Variants in EHD4 observed in about 807,000 individuals in gnomAD.
EHD4 encodes the protein EH domain containing 4, also known as EH domain-containing protein 4.
A neutral mutation model predicts 51.0 loss-of-function variants in EHD4; 37 were observed. The ratio of observed to expected loss-of-function variants is 0.73; its 90% confidence interval spans 0.56 to 0.95. The LOEUF is 0.95. EHD4 is among the 40% of genes least tolerant of loss of function. The pLI, the probability that EHD4 is intolerant of heterozygous loss-of-function variation, is 0.00. For missense variants in EHD4, 632 were observed against 733.1 expected, an observed-to-expected ratio of 0.86 and a Z score of 1.59; for synonymous variants, 297 against 317.3, an observed-to-expected ratio of 0.94 and a Z score of 0.68.
chr15:41,966,258 C>A (rs2141010783), intron 1 of EHD4, among the ~76,000 whole-genome samples: 1 of 152,218 alleles, frequency 6.6e-6, no homozygotes, highest in South Asian at 2.1e-4. Flanking sequence ...CACAGGCACA[C>A]CTCTTGGCAA....
At chr15:41,943,385 T>C (rs2067789785) in intron 2 of EHD4, among the ~76,000 whole-genome samples, 1 of 152,170 alleles carries the variant, frequency 6.6e-6, no homozygotes, top group Non-Finnish European at 1.5e-5. Flanking sequence ...TGCTGGCCCA[T>C]GGGACAGGTA....
At chr15:41,901,253 G>T in intron 5 of EHD4, 72 bp from the exon 6 acceptor site, 1 of 1,472,952 alleles carries the variant, frequency 6.8e-7, no homozygotes, top group Admixed American at 2.3e-5. Context: ...GGCCACTGGA[G>T]GGAGACTAAT....
chr15:41,963,200 T>C (rs2067937592), intron 1 of EHD4, among the ~76,000 whole-genome samples: 1 of 151,890 alleles, frequency 6.6e-6, no homozygotes, highest in African/African-American at 2.4e-5. Context: ...GAGACCCTTG[T>C]TCACATGTTT....
intron 5 of EHD4, among the ~76,000 whole-genome samples, chr15:41,907,183 GC>G (rs2067518130): frequency 6.6e-6 from 1 of 152,210 alleles, no homozygotes; most frequent in African/African-American, 2.4e-5. Flanking sequence ...CTGTGGCAAG[GC>G]ACTGTAGCAA....
chr15:41,915,143 TGTAA>T (rs890432255), intron 4 of EHD4, among the ~76,000 whole-genome samples: 4 of 151,998 alleles, frequency 2.6e-5, no homozygotes, highest in Non-Finnish European at 4.4e-5. Context: ...TGTGTCAGAG[TGTAA>T]GTGTGAACTA....
intron 3 of EHD4, among the ~76,000 whole-genome samples, chr15:41,940,225 T>C (rs966148731): frequency 1.3e-5 from 2 of 151,938 alleles, no homozygotes; most frequent in African/African-American, 4.8e-5. Flanking sequence ...ACAATGCCCA[T>C]AAGGGAGGCA....
intron 3 of EHD4, among the ~76,000 whole-genome samples, chr15:41,936,367 T>G (rs2067731818): frequency 6.6e-6 from 1 of 152,186 alleles, no homozygotes; most frequent in Admixed American, 6.5e-5. Context: ...ATGGGATAAT[T>G]GCTCCTACCT....
At chr15:41,969,027 G>A (rs537011986) in intron 1 of EHD4, among the ~76,000 whole-genome samples, 2 of 152,258 alleles carry the variant, frequency 1.3e-5, no homozygotes, top group East Asian at 1.9e-4. Flanking sequence ...TTTTTAAGTG[G>A]TTTCTTAGGA....
chr15:41,909,704 T>A lies in EHD4; in HGVS notation c.1084A>T (p.Met362Leu). Residue 362 changes from methionine to leucine, a missense_variant, in exon 5 of 6, where the codon ATG becomes TTG. Coordinates refer to ENST00000220325, the MANE Select transcript of EHD4 (RefSeq NM_139265.4). ...TTGTAGTGGGCTCCCAGTACCTGCA[T>A]AGCCTTGACCTCAGGGAAGTCCCCT... Reference protein sequence around the residue: ...SAGDFPEVKAMQEQLENYDFT... With the variant: ...SAGDFPEVKALQEQLENYDFT... The A allele has an allele frequency of 1.2e-6, 2 of 1,614,198 alleles. No homozygotes were observed. Among genetic ancestry groups the A allele is most frequent in the South Asian group, 1.1e-5 (1 of 91,070 alleles).
At chr15:41,936,301 C>T (rs1024424864) in intron 3 of EHD4, among the ~76,000 whole-genome samples, 14 of 152,306 alleles carry the variant, frequency 9.2e-5, no homozygotes, top group Middle Eastern at 3.4e-3. Flanking sequence ...ATACTTGCTA[C>T]ATGATTGTCA....
At chr15:41,938,733 G>A (rs934739442) in intron 3 of EHD4, among the ~76,000 whole-genome samples, 2 of 152,174 alleles carry the variant, frequency 1.3e-5, no homozygotes, top group African/African-American at 4.8e-5. Flanking sequence ...GTCTATTGAA[G>A]GCTACGCAAA....
At chr15:41,950,883 T>C (rs935127845) in intron 2 of EHD4, among the ~76,000 whole-genome samples, 1 of 152,208 alleles carries the variant, frequency 6.6e-6, no homozygotes, top group Non-Finnish European at 1.5e-5. Flanking sequence ...GGCAACAGTA[T>C]TGTCTGTGTT....
rs544516710 is a variant in EHD4, at chr15:41,950,726, C to A, written c.413+3038G>T. 4.1e-4 allele frequency among the ~76,000 whole-genome samples: 63 copies of A among 152,254 alleles called. 2 individuals carry two copies. The South Asian group carries it at 0.013, about 32-fold the overall frequency. ...ACACACTTGGCTAGAAGGACAGAAA[C>A]TCCTCTTGGCCGATGCTGAGCAGAG... On this transcript the variant is annotated intron_variant, in intron 2 of 5. Transcript: ENST00000220325.
chr15:41,936,347 C>G (rs912910039), intron 3 of EHD4, among the ~76,000 whole-genome samples: 8 of 152,132 alleles, frequency 5.3e-5, no homozygotes, highest in Non-Finnish European at 2.9e-5. Flanking sequence ...TCAGTCTTCT[C>G]TTCTATAAAA....
chr15:41,951,851 G>A (rs1327702335), intron 2 of EHD4, among the ~76,000 whole-genome samples: 4 of 152,220 alleles, frequency 2.6e-5, no homozygotes, highest in Admixed American at 6.5e-5. Context: ...TGCCAACCAA[G>A]TCAGCTCTGG....
chr15:41,952,510 G>C (rs1286075470), intron 2 of EHD4, among the ~76,000 whole-genome samples: 1 of 152,186 alleles, frequency 6.6e-6, no homozygotes, highest in African/African-American at 2.4e-5. Context: ...GAGGGAGGAA[G>C]GAAGGCAGAT....
intron 4 of EHD4, among the ~76,000 whole-genome samples, chr15:41,912,060 A>C (rs1704391): frequency 0.48 from 72,667 of 151,972 alleles, 18,124 homozygotes; most frequent in African/African-American, 0.57. Flanking sequence ...GTGTCACCTG[A>C]TCCCTCGTCT....
At chr15:41,937,764 G>A (rs1046338362) in intron 3 of EHD4, among the ~76,000 whole-genome samples, 4 of 152,106 alleles carry the variant, frequency 2.6e-5, no homozygotes, top group Non-Finnish European at 5.9e-5. Context: ...CCTGATTGTG[G>A]TCTGCTGGTG....
intron 3 of EHD4, among the ~76,000 whole-genome samples, chr15:41,929,312 G>C (rs1488909135): frequency 1.3e-5 from 2 of 152,202 alleles, no homozygotes; most frequent in Non-Finnish European, 2.9e-5. Flanking sequence ...TCCTCTGGGG[G>C]ATATGTGACA....
Sources: allele counts gnomAD v4.1 joint callset (sites outside exome capture counted in the v4.1 genomes callset), GRCh38; gene constraint gnomAD v4.1.1; transcripts MANE v1.5; gene names NCBI Gene and HGNC (gene_info 2026-07-23, HGNC 2026-07-21).